The following GAS2 variants were observed in gnomAD, a reference collection of about 807,000 sequenced individuals.
GAS2 encodes the protein growth arrest-specific protein 2.
Under a neutral mutation model 37.5 loss-of-function variants are expected in GAS2, and 20 were observed. The observed-to-expected ratio is 0.53, with a 90% CI of 0.37 to 0.77. GAS2 has a LOEUF of 0.77. Among genes scored for constraint, GAS2 ranks in the 30% least tolerant of loss-of-function variants. GAS2 has a pLI of 0.00. For missense variants in GAS2, 336 were observed against 373.4 expected, an observed-to-expected ratio of 0.90 and a Z score of 0.82; for synonymous variants, 144 against 132.2, an observed-to-expected ratio of 1.09 and a Z score of -0.61.
intron 1 of GAS2, among the ~76,000 whole-genome samples, chr11:22,647,672 A>C (rs1465359615): frequency 3.9e-5 from 6 of 152,206 alleles, no homozygotes; most frequent in African/African-American, 1.4e-4. Flanking sequence ...TCTGATGGCC[A>C]GTGATGATGA....
At chr11:22,800,025 T>A (rs1289509239) in intron 7 of GAS2, among the ~76,000 whole-genome samples, 1 of 152,076 alleles carries the variant, frequency 6.6e-6, no homozygotes, top group Non-Finnish European at 1.5e-5. Flanking sequence ...GAGTTCACAA[T>A]ATCTATGGAG....
At chr11:22,811,703 CA>C in intron 7 of GAS2, 94 bp from the exon 8 acceptor site, 1 of 1,214,576 alleles carries the variant, frequency 8.2e-7, no homozygotes, top group South Asian at 1.3e-5. Flanking sequence ...TCATGAAATA[CA>C]AACCAAAACA....
chr11:22,644,908 G>A (rs573142554), intron 1 of GAS2, among the ~76,000 whole-genome samples: 141 of 152,306 alleles, frequency 9.3e-4, no homozygotes, highest in African/African-American at 2.9e-3. Context: ...ACAGGCATGA[G>A]CCACCACTAC....
At chr11:22,775,900 C>T (rs1370145429) in intron 7 of GAS2, among the ~76,000 whole-genome samples, 1 of 152,128 alleles carries the variant, frequency 6.6e-6, no homozygotes, top group African/African-American at 2.4e-5. Flanking sequence ...CCACAATAAG[C>T]CTTTCATAGA....
At chr11:22,715,550 T>A (rs547650619) in intron 3 of GAS2, among the ~76,000 whole-genome samples, 1 of 150,136 alleles carries the variant, frequency 6.7e-6, no homozygotes, top group Non-Finnish European at 1.5e-5. Context: ...CGAAAGACCA[T>A]TTAAGGCTAC....
intron 1 of GAS2, among the ~76,000 whole-genome samples, chr11:22,652,932 A>G (rs1201044272): frequency 2.8e-5 from 4 of 141,850 alleles, no homozygotes; most frequent in Non-Finnish European, 6.1e-5. Context: ...CTATTCGGCC[A>G]TCTTGGCTCC....
At chr11:22,663,223 C>T (rs528102836), upstream of GAS2, among the ~76,000 whole-genome samples, 19 of 152,122 alleles carry the variant, frequency 1.2e-4, no homozygotes, top group African/African-American at 4.6e-4. Context: ...CCCACCAGGT[C>T]CCTCTCTCAA....
intron 1 of GAS2, among the ~76,000 whole-genome samples, chr11:22,660,983 T>C (rs556342010): frequency 2.4e-4 from 37 of 152,334 alleles, no homozygotes; most frequent in Non-Finnish European, 2.6e-4. Context: ...TTGGAAAATA[T>C]TCCGTATTTG....
chr11:22,732,823 T>C (rs1183851023), intron 4 of GAS2, among the ~76,000 whole-genome samples: 1 of 148,650 alleles, frequency 6.7e-6, no homozygotes, highest in Non-Finnish European at 1.5e-5. Context: ...ACCACCACCA[T>C]TGCTATCCTT....
chr11:22,719,746 T>G (rs1851858582), intron 3 of GAS2, among the ~76,000 whole-genome samples: 1 of 152,104 alleles, frequency 6.6e-6, no homozygotes, highest in South Asian at 2.1e-4. Context: ...CTTCTTTCAC[T>G]TAGTAATATG....
At chr11:22,801,573 AATATAT>A (rs1856667388) in intron 7 of GAS2, among the ~76,000 whole-genome samples, 1 of 152,110 alleles carries the variant, frequency 6.6e-6, no homozygotes, top group African/African-American at 2.4e-5. Flanking sequence ...CTGCTGTATC[AATATAT>A]TAAATGATAC....
chr11:22,644,203 A>T (rs994207119), intron 1 of GAS2, among the ~76,000 whole-genome samples: 13 of 152,200 alleles, frequency 8.5e-5, no homozygotes, highest in East Asian at 3.9e-4. Flanking sequence ...TCTTTTTTTT[A>T]AAATTACTTC....
intron 7 of GAS2, among the ~76,000 whole-genome samples, chr11:22,789,433 T>G (rs2041467): frequency 2.5e-5 from 1 of 39,818 alleles, no homozygotes; most frequent in Non-Finnish European, 5.6e-5. Context: ...GAGATATATA[T>G]ATATATATAT....
At chr11:22,804,694 G>A (rs565059838) in intron 7 of GAS2, among the ~76,000 whole-genome samples, 2 of 152,108 alleles carry the variant, frequency 1.3e-5, no homozygotes, top group Non-Finnish European at 2.9e-5. Context: ...AAGAAAGGTG[G>A]AGTAAATGAT....
chr11:22,714,833 C>T (rs1160223068), intron 3 of GAS2, among the ~76,000 whole-genome samples: 1 of 151,938 alleles, frequency 6.6e-6, no homozygotes, highest in Admixed American at 6.6e-5. Context: ...ATGATGCAAC[C>T]AATTAAAACC....
intron 3 of GAS2, chr11:22,702,102 A>G (rs1850872628): frequency 1.3e-5 from 2 of 152,332 alleles, no homozygotes; most frequent in African/African-American, 4.8e-5. Context: ...TAAAGTGCTT[A>G]TGTATGGACC....
intron 1 of GAS2, 90 bp from the exon 2 acceptor site, chr11:22,674,760 C>A: frequency 1.0e-6 from 1 of 960,480 alleles, no homozygotes; most frequent in Non-Finnish European, 1.5e-6. Flanking sequence ...TCAGAAAACC[C>A]GCGGATCCAG....
intron 3 of GAS2, among the ~76,000 whole-genome samples, chr11:22,687,997 T>G (rs1249479593): frequency 2.0e-5 from 3 of 152,206 alleles, no homozygotes; most frequent in African/African-American, 7.2e-5. Context: ...TGGTTTTGCT[T>G]TGTTTATAAG....
At chr11:22,714,267 A>C (rs1164822036) in intron 3 of GAS2, among the ~76,000 whole-genome samples, 1 of 152,224 alleles carries the variant, frequency 6.6e-6, no homozygotes, top group Non-Finnish European at 1.5e-5. Flanking sequence ...AAAACAGTTA[A>C]AAAAGATAAA....
Sources: allele counts gnomAD v4.1 joint callset (sites outside exome capture counted in the v4.1 genomes callset), GRCh38; gene constraint gnomAD v4.1.1; transcripts MANE v1.5; gene names NCBI Gene and HGNC (gene_info 2026-07-23, HGNC 2026-07-21).